The following MYO5B variants were observed in gnomAD, a reference collection of about 807,000 sequenced individuals.
The protein encoded by MYO5B is myosin VB.
In MYO5B, 143 loss-of-function variants were observed where a neutral mutation model predicts 229.3. That is an observed-to-expected ratio of 0.62 (90% CI 0.54 to 0.72). The LOEUF (loss-of-function observed/expected upper bound fraction) is 0.72, where lower values mean the gene tolerates loss of function less well. Among genes scored for constraint, MYO5B ranks in the 30% least tolerant of loss-of-function variants. The probability of loss-of-function intolerance (pLI) is 0.00; values close to 1 mark genes in which losing one functional copy is unlikely to be tolerated. For missense variants in MYO5B, 2,321 were observed against 2,331.0 expected (o/e 1.00, Z 0.09); for synonymous variants, 918 against 885.2 (o/e 1.04, Z -0.66).
intron 12 of MYO5B, among the ~76,000 whole-genome samples, chr18:49,959,458 T>C (rs1182767168): frequency 6.6e-6 from 1 of 152,188 alleles, no homozygotes; most frequent in Admixed American, 6.5e-5. Context: ...CTGATCTGAA[T>C]ACAGAGTAAA....
At chr18:50,157,358 G>A (rs547359084) in intron 1 of MYO5B, among the ~76,000 whole-genome samples, 4 of 152,216 alleles carry the variant, frequency 2.6e-5, no homozygotes, top group African/African-American at 7.2e-5. Flanking sequence ...CATCTACCTC[G>A]GCCTGGATAT....
chr18:49,891,926 G>C (rs538831899), intron 22 of MYO5B, among the ~76,000 whole-genome samples: 2 of 152,252 alleles, frequency 1.3e-5, no homozygotes, highest in African/African-American at 4.8e-5. Flanking sequence ...CTCTCACAAG[G>C]ACCAGGGACC....
At chr18:50,024,520 T>C (rs2026310252) in intron 4 of MYO5B, among the ~76,000 whole-genome samples, 1 of 152,206 alleles carries the variant, frequency 6.6e-6, no homozygotes, top group Admixed American at 6.5e-5. Flanking sequence ...TAAAAGCAAG[T>C]CATCAATCAT....
intron 8 of MYO5B, among the ~76,000 whole-genome samples, chr18:49,982,822 T>G (rs1288358444): frequency 1.3e-5 from 2 of 152,186 alleles, no homozygotes; most frequent in Non-Finnish European, 2.9e-5. Flanking sequence ...ACATGTTTAT[T>G]AAAGAATAGA....
intron 4 of MYO5B, among the ~76,000 whole-genome samples, chr18:50,023,847 G>A (rs945428626): frequency 2.6e-5 from 4 of 152,080 alleles, no homozygotes; most frequent in African/African-American, 7.2e-5. Context: ...AGCCTAGACC[G>A]GGTATCATGC....
chr18:49,944,006 T>C (rs1043566974), intron 14 of MYO5B, among the ~76,000 whole-genome samples: 9 of 152,066 alleles, frequency 5.9e-5, no homozygotes, highest in African/African-American at 2.2e-4. Context: ...ATAAAGCTGG[T>C]CAACGTACAA....
chr18:49,912,295 C>T (rs1568028428), intron 17 of MYO5B, 122 bp from the exon 18 acceptor site: 5 of 777,406 alleles, frequency 6.4e-6, no homozygotes, highest in Non-Finnish European at 1.2e-5. Flanking sequence ...ATTCTCAGAG[C>T]AGCAAAGAAC....
intron 39 of MYO5B, among the ~76,000 whole-genome samples, chr18:49,828,206 A>C (rs2023869597): frequency 6.6e-6 from 1 of 152,224 alleles, no homozygotes; most frequent in South Asian, 2.1e-4. Flanking sequence ...GCTGTTTTTC[A>C]TCAGAAACCA....
chr18:49,975,252 C>A (rs1462567905), intron 9 of MYO5B, among the ~76,000 whole-genome samples: 1 of 152,206 alleles, frequency 6.6e-6, no homozygotes, highest in Non-Finnish European at 1.5e-5. Context: ...CCTTCGAAGG[C>A]ACTAGCCATG....
chr18:49,836,590 T>C, intron 38 of MYO5B, 121 bp downstream of exon 38: 1 of 1,158,626 alleles, frequency 8.6e-7, no homozygotes, highest in Non-Finnish European at 1.3e-6. Context: ...AATTGTCTCA[T>C]TAGGGGTATA....
intron 20 of MYO5B, among the ~76,000 whole-genome samples, 187 bp from the exon 21 acceptor site, chr18:49,903,020 G>T (rs1020807823): frequency 3.2e-4 from 49 of 152,224 alleles, no homozygotes; most frequent in African/African-American, 1.1e-3. Flanking sequence ...GCGAGGTTCT[G>T]CGCCTACATA....
intron 27 of MYO5B, among the ~76,000 whole-genome samples, chr18:49,868,055 C>T (rs2024416976): frequency 6.6e-6 from 1 of 151,610 alleles, no homozygotes; most frequent in African/African-American, 2.4e-5. Flanking sequence ...ATCATGTTTA[C>T]AAAGACATGT....
chr18:49,878,896 A>T lies in MYO5B; in HGVS notation c.3276+49T>A, dbSNP rs377614052. The stretch of plus-strand genomic sequence containing the variant: ...CTGAGATCACGTGGTCAGAAGCTGG[A>T]CAGGAGCCAGGGACCTGTGCCATGG... On this transcript the variant is annotated intron_variant, in intron 24 of 39. Transcript: ENST00000285039. The T allele has an allele frequency of 3.9e-5, 63 of 1,610,068 alleles. No individual in the cohort carries two copies. The East Asian group carries it at 6.2e-4, about 16-fold the overall frequency.
At chr18:49,947,317 G>C (rs2025385539) in intron 14 of MYO5B, among the ~76,000 whole-genome samples, 2 of 151,992 alleles carry the variant, frequency 1.3e-5, no homozygotes, top group South Asian at 4.2e-4. Context: ...ATGTTAGCCA[G>C]GATGGTCTTG....
intron 1 of MYO5B, among the ~76,000 whole-genome samples, chr18:50,071,816 G>C (rs527813036): frequency 1.3e-5 from 2 of 152,336 alleles, no homozygotes; most frequent in South Asian, 4.2e-4. Flanking sequence ...AAACTAAATG[G>C]AAGAATGCCA....
intron 1 of MYO5B, among the ~76,000 whole-genome samples, chr18:50,187,830 T>C (rs2033170001): frequency 6.6e-6 from 1 of 152,124 alleles, no homozygotes; most frequent in Non-Finnish European, 1.5e-5. Flanking sequence ...CCAATGTTCT[T>C]CAAGTGTCAA....
At chr18:49,997,369 C>CTTTTT (rs34011258) in intron 5 of MYO5B, among the ~76,000 whole-genome samples, 4 of 60,354 alleles carry the variant, frequency 6.6e-5, no homozygotes, top group Non-Finnish European at 8.1e-5. Context: ...TCCTTTCTTT[C>CTTTTT]TTTTTTTTTT....
intron 5 of MYO5B, among the ~76,000 whole-genome samples, chr18:49,997,657 C>T (rs971952067): frequency 3.3e-5 from 5 of 152,142 alleles, no homozygotes; most frequent in African/African-American, 1.2e-4. Flanking sequence ...AGCTCTTAAA[C>T]AGAACAGGGT....
Position 49,934,993 on chromosome 18 carries a change from C to G in MYO5B, c.2003+1259G>C, listed in dbSNP as rs563310826. On this transcript the variant is annotated intron_variant, in intron 16 of 39. Transcript: ENST00000285039. ...TAAAAAATTTAAAAATACACCTCCT[C>G]TGGCCAGAGGGAACAGCATGCGTGA... is the stretch of plus-strand genomic sequence containing the variant. Among the ~76,000 whole-genome samples the G allele has an allele frequency of 2.6e-5, 4 of 152,302 alleles. No homozygotes were observed. In the South Asian group the frequency reaches 8.3e-4, roughly 32 times the overall value.
Sources: allele counts gnomAD v4.1 joint callset (sites outside exome capture counted in the v4.1 genomes callset), GRCh38; gene constraint gnomAD v4.1.1; transcripts MANE v1.5; gene names NCBI Gene and HGNC (gene_info 2026-07-23, HGNC 2026-07-21).